The following TPRG1 variants were observed in gnomAD, a reference collection of about 807,000 sequenced individuals.
The protein encoded by TPRG1 is tumor protein p63-regulated gene 1 protein.
TPRG1 carries 29 observed loss-of-function variants against 29.3 expected under a neutral mutation model. That is an observed-to-expected ratio of 0.99 (90% confidence interval 0.74 to 1.35). The LOEUF is 1.35. TPRG1 is among the 40% of genes most tolerant of loss of function. The pLI, the probability that TPRG1 is intolerant of heterozygous loss-of-function variation, is 0.00. For missense variants in TPRG1, 327 were observed against 335.0 expected (o/e 0.98, Z 0.19); for synonymous variants, 130 against 116.8 (o/e 1.11, Z -0.73).
At chr3:189,159,868 G>GTGTGTGTGTGTGTGTGTGTGTGTGT (rs141895328) in intron 5 of TPRG1, among the ~76,000 whole-genome samples, 2 of 146,594 alleles carry the variant, frequency 1.4e-5, no homozygotes, top group Non-Finnish European at 3.0e-5. Context: ...GTGTGTGTGT[G>GTGTGTGTGTGTGTGTGTGTGTGTGT]GTGGTGGGGG....
chr3:189,303,354 A>T (rs1338222427), intron 4 of TPRG1, among the ~76,000 whole-genome samples: 1 of 152,188 alleles, frequency 6.6e-6, no homozygotes, highest in Admixed American at 6.5e-5. Flanking sequence ...GTGAAACCCA[A>T]AGGTTGGTAA....
chr3:189,146,614 C>T (rs1452879267), intron 3 of TPRG1, among the ~76,000 whole-genome samples: 1 of 152,136 alleles, frequency 6.6e-6, no homozygotes, highest in Non-Finnish European at 1.5e-5. Context: ...ATTATAATTG[C>T]TGTGGATGCA....
chr3:189,248,075 CTTTA>C (rs1741620581), intron 4 of TPRG1, among the ~76,000 whole-genome samples: 3 of 151,538 alleles, frequency 2.0e-5, no homozygotes, highest in Admixed American at 6.6e-5. Context: ...AAACAAATGG[CTTTA>C]TTTGTTACTT....
chr3:189,036,763 GTAAATTTAGATGTAATGTACAGATGGA>G (rs1421961232), intron 4 of TPRG1, among the ~76,000 whole-genome samples: 1 of 151,822 alleles, frequency 6.6e-6, no homozygotes, highest in African/African-American at 2.4e-5. Flanking sequence ...AAAAGGTGAT[GTAAATTTAGATGTAATGTACAGATGGA>G]TAATTATAGA....
At chr3:189,099,521 A>G (rs1489525457), upstream of TPRG1, among the ~76,000 whole-genome samples, 1 of 152,028 alleles carries the variant, frequency 6.6e-6, no homozygotes, top group Non-Finnish European at 1.5e-5. Flanking sequence ...AGGTGGAAGC[A>G]TACCCCCAGA....
intron 3 of TPRG1, among the ~76,000 whole-genome samples, chr3:189,228,396 A>G (rs1218714095): frequency 6.6e-6 from 1 of 152,142 alleles, no homozygotes; most frequent in East Asian, 1.9e-4. Flanking sequence ...CAGTATTAAA[A>G]AAAATTGGTG....
Position 189,320,848 on chromosome 3 carries a change from A to C in TPRG1, c.*28A>C, listed in dbSNP as rs370399673. 38 of 1,481,974 alleles carry C rather than the reference A, an allele frequency of 2.6e-5. No homozygotes were observed. The highest frequency in any genetic ancestry group is 3.3e-5 in the Non-Finnish European group (36 of 1,107,628). The allele number at this position is 1,481,974 out of a possible 1,614,324, so 91.8% of individuals were successfully genotyped here. On this transcript the variant is annotated 3_prime_UTR_variant, in exon 6 of 6. Coordinates refer to ENST00000345063, the MANE Select transcript of TPRG1 (RefSeq NM_198485.4). ...GTCTTTTTGGTACCATAAGCATATC[A>C]TCCACAGATATGTCACTTTGAAAAT...
chr3:189,211,558 C>G (rs1285321016), intron 2 of TPRG1: 1 of 152,154 alleles, frequency 6.6e-6, no homozygotes, highest in Non-Finnish European at 1.5e-5. Context: ...CTTTATGGGT[C>G]ACTCTGGGAT....
intron 5 of TPRG1, among the ~76,000 whole-genome samples, chr3:189,319,623 C>T (rs6787760): frequency 0.48 from 73,180 of 151,852 alleles, 19,300 homozygotes; most frequent in African/African-American, 0.69. Flanking sequence ...CTGAAGTGAA[C>T]TCCAAACTCA....
intron 3 of TPRG1, among the ~76,000 whole-genome samples, chr3:189,019,443 A>G (rs932484356): frequency 9.2e-5 from 14 of 152,000 alleles, no homozygotes; most frequent in Admixed American, 5.2e-4. Flanking sequence ...TAGCATGAAG[A>G]GTTGTTGAAT....
chr3:189,310,591 T>G (rs373352705), intron 5 of TPRG1, 52 bp downstream of exon 5: 32 of 1,452,144 alleles, frequency 2.2e-5, no homozygotes, highest in Admixed American at 1.7e-5. Flanking sequence ...GCTGGAGCTA[T>G]GTGCTTCTAG....
intron 4 of TPRG1, among the ~76,000 whole-genome samples, chr3:189,049,429 C>T (rs972364296): frequency 6.6e-6 from 1 of 152,052 alleles, no homozygotes; most frequent in Admixed American, 6.5e-5. Flanking sequence ...CCATAGTCCT[C>T]CTAGGTACAC....
chr3:189,306,528 G>A (rs896130707), intron 4 of TPRG1, among the ~76,000 whole-genome samples: 7 of 152,158 alleles, frequency 4.6e-5, no homozygotes, highest in African/African-American at 1.7e-4. Context: ...TATGTCCAGT[G>A]ATTCTGGTGT....
intron 3 of TPRG1, among the ~76,000 whole-genome samples, chr3:189,234,637 T>C (rs1739168168): frequency 6.6e-6 from 1 of 152,156 alleles, no homozygotes; most frequent in African/African-American, 2.4e-5. Context: ...CCAAGGCATA[T>C]AGGTTGTGCA....
chr3:189,282,129 C>T (rs1717246971), intron 4 of TPRG1, among the ~76,000 whole-genome samples: 1 of 146,806 alleles, frequency 6.8e-6, no homozygotes, highest in Non-Finnish European at 1.5e-5. Context: ...AATCCGCCCG[C>T]CTTGGCTGAG....
At chr3:189,015,259 A>G (rs1349102067) in intron 3 of TPRG1, among the ~76,000 whole-genome samples, 1 of 152,142 alleles carries the variant, frequency 6.6e-6, no homozygotes, top group East Asian at 1.9e-4. Context: ...GATTTAGTGT[A>G]TCTGGTGGAA....
chr3:189,321,800 T>A lies in TPRG1; in HGVS notation c.*980T>A, dbSNP rs1724341938. 1 of 152,100 alleles carries A rather than the reference T, an allele frequency of 6.6e-6. No homozygotes were observed. The highest frequency in any genetic ancestry group is 6.6e-5 in the Admixed American group (1 of 15,246). The allele number at this position is 152,100 out of a possible 1,614,324, so 9.4% of individuals were successfully genotyped here. A position where few individuals can be genotyped will look rare whatever the true frequency, so the allele number is the denominator to read the frequency against. On this transcript the variant is annotated 3_prime_UTR_variant, in exon 6 of 6. Transcript: ENST00000345063. The stretch of plus-strand genomic sequence containing the variant: ...CATATACGAAGCAGATAAAAGTAGG[T>A]TCAATGCGGTTGGAGTGAAGATGAG...
chr3:189,145,279 T>C (rs1725099865), intron 3 of TPRG1, among the ~76,000 whole-genome samples: 1 of 149,992 alleles, frequency 6.7e-6, no homozygotes, highest in African/African-American at 2.5e-5. Flanking sequence ...GGAGAATCAT[T>C]TGAACCCAGG....
chr3:189,182,125 G>A (rs570587104), intron 1 of TPRG1, among the ~76,000 whole-genome samples: 40 of 152,298 alleles, frequency 2.6e-4, no homozygotes, highest in Non-Finnish European at 3.8e-4. Context: ...AATTCAAGAT[G>A]AGATTTGGGT....
Sources: gnomAD v4.1 joint callset for allele counts (sites outside exome capture counted in the v4.1 genomes callset) on GRCh38, gnomAD v4.1.1 for gene constraint, MANE v1.5 for transcripts, NCBI Gene and HGNC (gene_info 2026-07-23, HGNC 2026-07-21) for gene names.